Variants in DNAH11 observed in about 807,000 individuals in gnomAD.
The protein encoded by DNAH11 is axonemal beta dynein heavy chain 11.
A neutral mutation model predicts 526.0 loss-of-function variants in DNAH11; 442 were observed. That is an observed-to-expected ratio of 0.84 (90% CI 0.78 to 0.91). DNAH11 has a LOEUF of 0.91. Among genes scored for constraint, DNAH11 ranks in the 40% least tolerant of loss-of-function variants. The pLI is 0.00. For synonymous variants in DNAH11, 2,461 were observed against 1,935.9 expected, an observed-to-expected ratio of 1.27 and a Z score of -7.12; for missense variants, 6,989 against 5,448.7, an observed-to-expected ratio of 1.28 and a Z score of -8.90.
intron 42 of DNAH11, among the ~76,000 whole-genome samples, chr7:21,712,280 A>G (rs1784491940): frequency 6.6e-6 from 1 of 152,234 alleles, no homozygotes. Flanking sequence ...CCATTCATCT[A>G]TAAATGAACA....
chr7:21,562,153 T>A (rs755439416), intron 5 of DNAH11, among the ~76,000 whole-genome samples: 4 of 152,168 alleles, frequency 2.6e-5, no homozygotes, highest in Non-Finnish European at 5.9e-5. Flanking sequence ...CCTTGAAGAG[T>A]TGCTATGTGG....
chr7:21,607,954 A>G (rs980791280), intron 20 of DNAH11, among the ~76,000 whole-genome samples: 1 of 150,878 alleles, frequency 6.6e-6, no homozygotes, highest in African/African-American at 2.4e-5. Context: ...AAAAAAAAAA[A>G]AAAAAAGGCT....
intron 41 of DNAH11, 99 bp downstream of exon 41, chr7:21,710,802 C>G: frequency 8.4e-7 from 1 of 1,186,950 alleles, no homozygotes; most frequent in Non-Finnish European, 1.1e-6. Flanking sequence ...TGCTCATTAA[C>G]CTGGGATTCT....
intron 53 of DNAH11, 123 bp from the exon 54 acceptor site, chr7:21,750,099 G>T: frequency 6.9e-6 from 9 of 1,301,782 alleles, no homozygotes; most frequent in Non-Finnish European, 8.3e-6. Flanking sequence ...TGACGTTTCT[G>T]ATTTTAAACT....
chr7:21,552,421 C>T (rs770198478), intron 2 of DNAH11, among the ~76,000 whole-genome samples: 27 of 152,120 alleles, frequency 1.8e-4, no homozygotes, highest in Admixed American at 4.6e-4. Context: ...ATATTCTTTC[C>T]GGGTTTATTC....
At chr7:21,828,406 A>T (rs569018156) in intron 65 of DNAH11, among the ~76,000 whole-genome samples, 1 of 152,338 alleles carries the variant, frequency 6.6e-6, no homozygotes, top group South Asian at 2.1e-4. Context: ...ATAAAATTTA[A>T]TTGCCACAAA....
Position 21,901,431 on chromosome 7 carries a change from T to C in DNAH11, c.*177T>C. 2.3e-6 allele frequency: 2 copies of C among 885,342 alleles called. No individual in the cohort carries two copies. Among genetic ancestry groups the C allele is most frequent in the East Asian group, 6.4e-5 (2 of 31,012 alleles). The allele number at this position is 885,342 out of a possible 1,614,324, so 54.8% of individuals were successfully genotyped here. A position where few individuals can be genotyped will look rare whatever the true frequency, so the allele number is the denominator to read the frequency against. On this transcript the variant is annotated 3_prime_UTR_variant, in exon 82 of 82. Coordinates refer to ENST00000409508, the MANE Select transcript of DNAH11 (RefSeq NM_001277115.2). ...AAAATACTAGAAACTAACTCAGGGC[T>C]GAGCGTGGTGGCACACGACTGTAAT...
intron 61 of DNAH11, among the ~76,000 whole-genome samples, chr7:21,799,260 G>C (rs80273324): frequency 6.6e-6 from 1 of 152,054 alleles, no homozygotes; most frequent in African/African-American, 2.4e-5. Flanking sequence ...CAGAGCCTTC[G>C]TGTGCTTCTG....
chr7:21,877,984 T>C (rs182910984), intron 74 of DNAH11, among the ~76,000 whole-genome samples: 1 of 151,738 alleles, frequency 6.6e-6, no homozygotes, highest in East Asian at 1.9e-4. Flanking sequence ...AGTAAGAAGA[T>C]AGATTTCTGT....
intron 46 of DNAH11, among the ~76,000 whole-genome samples, chr7:21,738,447 C>T (rs1200312595): frequency 1.3e-5 from 2 of 152,128 alleles, no homozygotes; most frequent in Non-Finnish European, 2.9e-5. Context: ...AATGTGATGT[C>T]ATGCTGCACG....
intron 28 of DNAH11, among the ~76,000 whole-genome samples, chr7:21,641,273 A>C (rs546434601): frequency 1.3e-5 from 2 of 152,064 alleles, no homozygotes; most frequent in Non-Finnish European, 2.9e-5. Context: ...CCAGTCTTCT[A>C]CCTTACCCAA....
At chr7:21,792,176 TAC>T (rs1392756943) in intron 61 of DNAH11, among the ~76,000 whole-genome samples, 3 of 152,244 alleles carry the variant, frequency 2.0e-5, no homozygotes, top group Non-Finnish European at 4.4e-5. Context: ...AAAATGATCA[TAC>T]AGTTTTTGTT....
chr7:21,669,240 G>A (rs61314474), intron 30 of DNAH11, among the ~76,000 whole-genome samples: 15,913 of 149,514 alleles, frequency 0.11, 918 homozygotes, highest in South Asian at 0.13. Context: ...GAGTGCAGTG[G>A]CACAATCTGC....
intron 9 of DNAH11, among the ~76,000 whole-genome samples, chr7:21,584,111 A>G (rs1379317317): frequency 1.3e-5 from 2 of 152,254 alleles, no homozygotes; most frequent in Non-Finnish European, 2.9e-5. Context: ...TCATTCTTCT[A>G]TAAAGACACA....
rs1253241776 is a variant in DNAH11 at position 21,570,450 on chromosome 7, T to TATGATG, written c.1425+154_1425+159dup. 5 of 584,152 alleles carry TATGATG rather than the reference T, an allele frequency of 8.6e-6. No individual in the cohort carries two copies. The African/African-American group carries it at 9.5e-5, about 11-fold the overall frequency. 36.2% of individuals were successfully genotyped at this position (584,152 alleles called of 1,614,324 possible). The stretch of plus-strand genomic sequence containing the variant: ...CATAAGGAGCTCAGCAGGCCAATGC[T>TATGATG]ATGATGATACAAGGGCATTTTTTAA... On this transcript the variant is annotated intron_variant, in intron 7 of 81. Coordinates refer to ENST00000409508, the MANE Select transcript of DNAH11 (RefSeq NM_001277115.2).
chr7:21,802,441 C>G (rs564079603), intron 62 of DNAH11, among the ~76,000 whole-genome samples: 3 of 151,968 alleles, frequency 2.0e-5, no homozygotes, highest in South Asian at 2.1e-4. Flanking sequence ...ATAAAGTTAC[C>G]ACATGATACA....
chr7:21,893,428 G>T (rs1784398921), intron 77 of DNAH11, among the ~76,000 whole-genome samples: 1 of 152,134 alleles, frequency 6.6e-6, no homozygotes, highest in Non-Finnish European at 1.5e-5. Flanking sequence ...CATGCTTATG[G>T]CCGTTTGGAT....
chr7:21,838,570 G>A (rs1782083437), intron 65 of DNAH11, among the ~76,000 whole-genome samples: 2 of 152,046 alleles, frequency 1.3e-5, no homozygotes, highest in African/African-American at 4.8e-5. Flanking sequence ...GTGATCTTTT[G>A]TGACTTCTTT....
chr7:21,559,538 TAAAGTC>T, intron 3 of DNAH11, 59 bp from the exon 4 acceptor site: 1 of 1,301,868 alleles, frequency 7.7e-7, no homozygotes, highest in Non-Finnish European at 1.1e-6. Flanking sequence ...AAATAACTAT[TAAAGTC>T]TATGTCTTTG....
Sources: allele counts gnomAD v4.1 joint callset (sites outside exome capture counted in the v4.1 genomes callset), GRCh38; gene constraint gnomAD v4.1.1; transcripts MANE v1.5; gene names NCBI Gene and HGNC (gene_info 2026-07-23, HGNC 2026-07-21).